The following VEGFD variants were observed in gnomAD, a reference collection of about 807,000 sequenced individuals.
VEGFD encodes vascular endothelial growth factor D.
In VEGFD, 26 loss-of-function variants were observed where a neutral mutation model predicts 28.0. That is an observed-to-expected ratio of 0.93 (90% CI 0.68 to 1.29). The LOEUF is 1.29. Among genes scored for constraint, VEGFD ranks in the 50% most tolerant of loss-of-function variants. The probability of loss-of-function intolerance (pLI) is 0.00; values close to 1 mark genes in which losing one functional copy is unlikely to be tolerated. For missense variants in VEGFD, 294 were observed against 273.4 expected (o/e 1.08, Z -0.53); for synonymous variants, 93 against 95.5 (o/e 0.97, Z 0.15).
chrX:15,376,332 TG>T (rs1172249447), intron 1 of VEGFD, among the ~76,000 whole-genome samples: 1 of 111,703 alleles, frequency 9.0e-6, no homozygotes, highest in African/African-American at 3.3e-5. Flanking sequence ...GAGAGACACC[TG>T]GGGCTGACCT....
chrX:15,351,027 ATTTTTTTTTTTTTTTT>A (rs35997805), intron 5 of VEGFD, among the ~76,000 whole-genome samples: 27 of 14,755 alleles, frequency 1.8e-3, no homozygotes, highest in African/African-American at 3.2e-3. Flanking sequence ...ATGCCCAGCT[ATTTTTTTTTTTTTTTT>A]TTTTTTTTTT....
At chrX:15,356,466 T>C (rs1409880090) in intron 3 of VEGFD, among the ~76,000 whole-genome samples, 4 of 112,426 alleles carry the variant, frequency 3.6e-5, no homozygotes, top group Non-Finnish European at 7.5e-5. Flanking sequence ...GTACATTGTA[T>C]GAAATTAATC....
intron 5 of VEGFD, among the ~76,000 whole-genome samples, chrX:15,350,843 T>C (rs201462260): frequency 4.3e-4 from 40 of 92,899 alleles, no homozygotes; most frequent in Admixed American, 2.7e-3. Flanking sequence ...TCTTTTCTTT[T>C]TCTCTTTCTC....
chrX:15,375,403 A>G (rs1278370540), intron 1 of VEGFD, among the ~76,000 whole-genome samples: 2 of 112,074 alleles, frequency 1.8e-5, no homozygotes, highest in African/African-American at 6.5e-5. Context: ...TATAGGGTGT[A>G]CTAACTAGGG....
intron 1 of VEGFD, among the ~76,000 whole-genome samples, chrX:15,370,609 AATAC>A (rs1223336430): frequency 8.9e-6 from 1 of 111,812 alleles, no homozygotes; most frequent in Middle Eastern, 4.2e-3. Context: ...ATAAGTAATA[AATAC>A]ATACATGTAT....
At chrX:15,368,035 G>GAAAGAAGA (rs778478507) in intron 1 of VEGFD, among the ~76,000 whole-genome samples, 1 of 37,432 alleles carries the variant, frequency 2.7e-5, no homozygotes, top group African/African-American at 1.1e-4. Context: ...AGAAAGGAAA[G>GAAAGAAGA]AAGAAAGAAA....
At position 15,353,135 on chromosome X, in the gene VEGFD, G is replaced by A; in HGVS notation, c.675C>T (p.Asp225=). 2.5e-6 allele frequency: 3 copies of A among 1,177,810 alleles called. No homozygotes were observed. The highest frequency in any genetic ancestry group is 3.1e-5 in the East Asian group (1 of 32,318). The stretch of plus-strand genomic sequence containing the variant: ...TACATTTGTTGCTATCCCATAGCAT[G>A]TCAATAGGACAGAGTTTCTTGGAAT... The part of the protein sequence containing the change: ...CSHSKKLCPI[D]MLWDSNKCKC... Residue 225 remains aspartate, a synonymous_variant, in exon 5 of 7, where the codon GAC becomes GAT. Transcript: ENST00000297904.
chrX:15,350,604 T>G (rs1922665608), intron 5 of VEGFD, among the ~76,000 whole-genome samples: 1 of 112,516 alleles, frequency 8.9e-6, no homozygotes, highest in Non-Finnish European at 1.9e-5. Context: ...GCCTTGTGCC[T>G]GCCTACAAAC....
At chrX:15,350,248 A>G (rs1300498331) in intron 5 of VEGFD, among the ~76,000 whole-genome samples, 3 of 110,762 alleles carry the variant, frequency 2.7e-5, no homozygotes, top group African/African-American at 9.9e-5. Flanking sequence ...TATCCCCACC[A>G]TGCTGAACTT....
chrX:15,347,067 C>T, intron 6 of VEGFD, 97 bp downstream of exon 6: 1 of 830,201 alleles, frequency 1.2e-6, no homozygotes, highest in Non-Finnish European at 1.7e-6. Context: ...ACTCAGGCAC[C>T]AAGGGGAAAA....
Position 15,355,289 on chromosome X carries a change from T to C in VEGFD, c.502A>G (p.Ile168Val). The C allele has an allele frequency of 1.7e-6, 2 of 1,186,850 alleles. No homozygotes were observed. The highest frequency in any genetic ancestry group is 2.3e-6 in the Non-Finnish European group (2 of 884,870). ...TSYISKQLFE[I>V]SVPLTSVPEL... ...GGTACTGATGTCAAAGGCACTGATA[T>C]CTCAAAGAGCTACAGCAGAGAAAGA... Residue 168 changes from isoleucine (I) to valine (V), a missense_variant, in exon 4 of 7, where the codon ATA becomes GTA. Ile to Val is a conservative substitution (Grantham distance 29). Transcript: ENST00000297904.
intron 1 of VEGFD, among the ~76,000 whole-genome samples, chrX:15,367,564 C>T (rs146895467): frequency 1.8e-5 from 2 of 111,850 alleles, no homozygotes; most frequent in East Asian, 2.8e-4. Context: ...GCTGCTTCCA[C>T]GTGAAAATAA....
chrX:15,373,106 TCAA>T, intron 1 of VEGFD, among the ~76,000 whole-genome samples: 1 of 111,811 alleles, frequency 8.9e-6, no homozygotes, highest in Non-Finnish European at 1.9e-5. Context: ...CCTACTGAAT[TCAA>T]CAAAAAAGTA....
chrX:15,379,682 C>G (rs1923520816), intron 1 of VEGFD, among the ~76,000 whole-genome samples: 1 of 112,182 alleles, frequency 8.9e-6, no homozygotes, highest in Non-Finnish European at 1.9e-5. Context: ...TAGAAATGTT[C>G]TCAGAAACAA....
intron 6 of VEGFD, among the ~76,000 whole-genome samples, 177 bp downstream of exon 6, chrX:15,346,987 A>T (rs1408622039): frequency 9.0e-6 from 1 of 111,561 alleles, no homozygotes; most frequent in African/African-American, 3.3e-5. Flanking sequence ...TATTTTCATG[A>T]TTAATCATGA....
At chrX:15,369,345 C>T (rs772892455) in intron 1 of VEGFD, among the ~76,000 whole-genome samples, 4 of 108,023 alleles carry the variant, frequency 3.7e-5, no homozygotes, top group Admixed American at 9.9e-5. Flanking sequence ...ATCAACGAGC[C>T]TCAGGGGAAA....
chrX:15,348,000 C>A (rs1922598817), intron 5 of VEGFD, among the ~76,000 whole-genome samples: 1 of 112,465 alleles, frequency 8.9e-6, no homozygotes, highest in Non-Finnish European at 1.9e-5. Flanking sequence ...AGCTACTACT[C>A]CAAATCCATT....
intron 1 of VEGFD, among the ~76,000 whole-genome samples, chrX:15,370,977 G>T (rs1413654155): frequency 3.6e-5 from 4 of 110,234 alleles, no homozygotes; most frequent in Admixed American, 9.7e-5. Context: ...TCTTTCTCTC[G>T]TGCTCTCACT....
chrX:15,351,978 A>G (rs780950616), intron 5 of VEGFD, among the ~76,000 whole-genome samples: 1 of 112,161 alleles, frequency 8.9e-6, no homozygotes, highest in Non-Finnish European at 1.9e-5. Flanking sequence ...GAGTGTGCCC[A>G]CCCCTTGGTG....
Sources: gnomAD v4.1 joint callset for allele counts (sites outside exome capture counted in the v4.1 genomes callset) on GRCh38, gnomAD v4.1.1 for gene constraint, MANE v1.5 for transcripts, NCBI Gene and HGNC (gene_info 2026-07-23, HGNC 2026-07-21) for gene names.